Variants in USP31 observed in about 807,000 individuals in gnomAD.
The protein encoded by USP31 is ubiquitin specific peptidase 31, also known as ubiquitin carboxyl-terminal hydrolase 31.
A neutral mutation model predicts 119.4 loss-of-function variants in USP31; 44 were observed. The observed-to-expected ratio is 0.37, with a 90% confidence interval of 0.29 to 0.47. The LOEUF is 0.47. USP31 is among the 20% of genes least tolerant of loss of function. The probability of loss-of-function intolerance (pLI) is 0.99; values close to 1 mark genes in which losing one functional copy is unlikely to be tolerated. For missense variants in USP31, 1,643 were observed against 1,730.2 expected (o/e 0.95, Z 0.89); for synonymous variants, 749 against 705.6 (o/e 1.06, Z -0.97).
At chr16:23,089,731 T>C (rs951478470) in intron 7 of USP31, among the ~76,000 whole-genome samples, 3 of 152,192 alleles carry the variant, frequency 2.0e-5, no homozygotes, top group Non-Finnish European at 2.9e-5. Context: ...CTTTAAAAGA[T>C]AGTCTAAAAC....
chr16:23,134,718 A>G (rs1903135702), intron 1 of USP31, among the ~76,000 whole-genome samples: 1 of 151,876 alleles, frequency 6.6e-6, no homozygotes, highest in South Asian at 2.1e-4. Flanking sequence ...ATTATCCTAT[A>G]TACAAGAATA....
chr16:23,104,787 AAAT>A (rs1902022891), intron 5 of USP31, among the ~76,000 whole-genome samples: 1 of 152,212 alleles, frequency 6.6e-6, no homozygotes, highest in Non-Finnish European at 1.5e-5. Context: ...TTTCCAAATA[AAAT>A]AATAATAGTA....
intron 1 of USP31, among the ~76,000 whole-genome samples, chr16:23,129,915 AG>A (rs1179081336): frequency 6.6e-6 from 1 of 152,218 alleles, no homozygotes; most frequent in Non-Finnish European, 1.5e-5. Flanking sequence ...GGGAGGGTAT[AG>A]GGCACAAACA....
At chr16:23,134,643 T>C (rs1903130379) in intron 1 of USP31, among the ~76,000 whole-genome samples, 4 of 131,598 alleles carry the variant, frequency 3.0e-5, no homozygotes. Context: ...TCTAAAGAGG[T>C]AAATATTTTA....
At chr16:23,143,384 C>G (rs1903406961) in intron 1 of USP31, among the ~76,000 whole-genome samples, 1 of 152,164 alleles carries the variant, frequency 6.6e-6, no homozygotes, top group Admixed American at 6.5e-5. Flanking sequence ...GAATCTGGGG[C>G]ACCCATGCTC....
At chr16:23,100,129 T>C (rs1901787517) in intron 6 of USP31, among the ~76,000 whole-genome samples, 1 of 152,122 alleles carries the variant, frequency 6.6e-6, no homozygotes, top group African/African-American at 2.4e-5. Context: ...GTACCCCAAA[T>C]GATTAAACAT....
At chr16:23,129,360 ATG>A (rs1389778502) in intron 1 of USP31, among the ~76,000 whole-genome samples, 1 of 152,210 alleles carries the variant, frequency 6.6e-6, no homozygotes, top group Non-Finnish European at 1.5e-5. Flanking sequence ...GTACATATAT[ATG>A]TGTGTGACAG....
In USP31 at chr16:23,131,534, G is replaced by A. The variant is rs76194235; in HGVS notation, c.633+17104C>T. 3.8e-3 allele frequency among the ~76,000 whole-genome samples: 575 copies of A among 152,214 alleles called. 2 individuals are homozygous for A. The highest frequency in any genetic ancestry group is 6.0e-3 in the Non-Finnish European group (411 of 68,016). On this transcript the variant is annotated intron_variant, in intron 1 of 15. Coordinates refer to ENST00000219689, the MANE Select transcript of USP31 (RefSeq NM_020718.4). ...CCTCATCCAACTCACAGGCAAAAAT[G>A]TTGTTGGGGACAGGATCAAACACAG...
At chr16:23,085,515 A>G in intron 10 of USP31, 70 bp downstream of exon 10, 1 of 1,361,992 alleles carries the variant, frequency 7.3e-7, no homozygotes, top group South Asian at 1.2e-5. Context: ...CATTTAACAT[A>G]TCAAAGGTGT....
At chr16:23,140,623 C>A (rs1237710475) in intron 1 of USP31, among the ~76,000 whole-genome samples, 1 of 152,180 alleles carries the variant, frequency 6.6e-6, no homozygotes, top group Admixed American at 6.5e-5. Flanking sequence ...AAGTCTATAG[C>A]CCATGGCTTT....
At position 23,087,073 on chromosome 16, in the gene USP31, A is replaced by T. The variant is rs13339648; in HGVS notation, c.1622+19T>A. On this transcript the variant is annotated intron_variant, in intron 9 of 15. Coordinates refer to ENST00000219689, the MANE Select transcript of USP31 (RefSeq NM_020718.4). Reference sequence around the variant, plus strand: ...TGTGTGAGATTCTAAAAGGTAATTTAAAAAAAAATTTTTTTTACCTTTCTA... The same window carrying T: ...TGTGTGAGATTCTAAAAGGTAATTTTAAAAAAAATTTTTTTTACCTTTCTA... The T allele has an allele frequency of 2.4e-3, 3,726 of 1,560,126 alleles. 41 individuals carry two copies. In the African/African-American group the frequency reaches 0.03, roughly 12 times the overall value.
At chr16:23,077,400 T>C (rs1031571549) in intron 13 of USP31, among the ~76,000 whole-genome samples, 2 of 152,210 alleles carry the variant, frequency 1.3e-5, no homozygotes, top group Non-Finnish European at 2.9e-5. Context: ...TCCAGTAATC[T>C]TCCCCAACCC....
chr16:23,085,120 A>G (rs558182912), intron 10 of USP31, 131 bp from the exon 11 acceptor site: 4 of 1,338,110 alleles, frequency 3.0e-6, no homozygotes, highest in Admixed American at 4.5e-5. Context: ...TAAGAAAACA[A>G]AAGTAGTGAC....
chr16:23,066,011 G>A lies in USP31; in HGVS notation c.*2035C>T, dbSNP rs1373302265. The A allele has an allele frequency of 2.0e-5, 3 of 152,204 alleles. No homozygotes were observed. Among genetic ancestry groups the A allele is most frequent in the South Asian group, 2.1e-4 (1 of 4,822 alleles). The allele number at this position is 152,204 out of a possible 1,614,324, so 9.4% of individuals were successfully genotyped here. On this transcript the variant is annotated 3_prime_UTR_variant, in exon 16 of 16. Coordinates refer to ENST00000219689, the MANE Select transcript of USP31 (RefSeq NM_020718.4). ...AAAAGCGATACAGAAAAACGAGAGC[G>A]GTGGCTACACACTGATGGGGCTGTG...
rs551087523 is a variant in USP31, at chr16:23,079,658, G to A, written c.2176+288C>T. 9 of 291,428 alleles carry A rather than the reference G, an allele frequency of 3.1e-5. No homozygotes were observed. The South Asian group carries it at 7.1e-4, about 23-fold the overall frequency. 18.1% of individuals were successfully genotyped at this position (291,428 alleles called of 1,614,324 possible). On this transcript the variant is annotated intron_variant, in intron 13 of 15. Transcript: ENST00000219689. Reference sequence around the variant, plus strand: ...TCTAGCAAAACCGTAAATGGGGAGCGCAGGTTAGGTAAACAAAGAGCAAAT... The same window carrying A: ...TCTAGCAAAACCGTAAATGGGGAGCACAGGTTAGGTAAACAAAGAGCAAAT...
intron 1 of USP31, among the ~76,000 whole-genome samples, chr16:23,121,311 CCAAT>C (rs1902661291): frequency 1.3e-5 from 2 of 152,152 alleles, no homozygotes; most frequent in Admixed American, 1.3e-4. Context: ...TCTTAGGCCT[CCAAT>C]CAATCACAGC....
At chr16:23,135,511 T>A (rs1285761411) in intron 1 of USP31, among the ~76,000 whole-genome samples, 13 of 152,066 alleles carry the variant, frequency 8.5e-5, no homozygotes, top group Admixed American at 7.9e-4. Flanking sequence ...AAAATCAACA[T>A]GCAAAAATCA....
chr16:23,067,945 CA>C lies in USP31; in HGVS notation c.*100del. 22 of 1,464,712 alleles carry C rather than the reference CA, an allele frequency of 1.5e-5. No homozygotes were observed. The South Asian group carries it at 2.9e-4, about 19-fold the overall frequency. 90.7% of individuals were successfully genotyped at this position (1,464,712 alleles called of 1,614,324 possible). A position where few individuals can be genotyped will look rare whatever the true frequency, so the allele number is the denominator to read the frequency against. On this transcript the variant is annotated 3_prime_UTR_variant, in exon 16 of 16. Transcript: ENST00000219689. The stretch of plus-strand genomic sequence containing the variant: ...CACACACACAGTCGGGCACGTGACT[CA>C]AAAAAGTACAAAACAAAAGCACAGG...
At chr16:23,133,905 T>C (rs1350089138) in intron 1 of USP31, among the ~76,000 whole-genome samples, 2 of 151,672 alleles carry the variant, frequency 1.3e-5, no homozygotes, top group African/African-American at 4.8e-5. Flanking sequence ...GCAAAACCCA[T>C]CTCTACAAAA....
Sources: gnomAD v4.1 joint callset for allele counts (sites outside exome capture counted in the v4.1 genomes callset) on GRCh38, gnomAD v4.1.1 for gene constraint, MANE v1.5 for transcripts, NCBI Gene and HGNC (gene_info 2026-07-23, HGNC 2026-07-21) for gene names.